ADAMTS19: variants seen among roughly 807,000 people sequenced by gnomAD.
The protein encoded by ADAMTS19 is A disintegrin and metalloproteinase with thrombospondin motifs 19.
ADAMTS19 carries 93 observed loss-of-function variants against 153.3 expected under a neutral mutation model. The observed-to-expected ratio is 0.61, with a 90% confidence interval of 0.51 to 0.72. The LOEUF is 0.72. Ranked by LOEUF, ADAMTS19 falls within the 30% of genes least tolerant of loss-of-function variation. The pLI, the probability that ADAMTS19 is intolerant of heterozygous loss-of-function variation, is 0.00. For synonymous variants in ADAMTS19, 600 were observed against 556.6 expected (o/e 1.08, Z -1.10); for missense variants, 1,482 against 1,552.1 (o/e 0.95, Z 0.76).
intron 7 of ADAMTS19, among the ~76,000 whole-genome samples, chr5:129,554,348 G>A (rs1356128516): frequency 1.3e-5 from 2 of 152,292 alleles, no homozygotes; most frequent in African/African-American, 4.8e-5. Flanking sequence ...GTTATGATTA[G>A]TCTAGGCCTC....
intron 2 of ADAMTS19, among the ~76,000 whole-genome samples, chr5:129,466,275 G>A (rs993166540): frequency 1.3e-5 from 2 of 152,104 alleles, no homozygotes; most frequent in Admixed American, 6.5e-5. Context: ...ACAGATAGGT[G>A]AGCAGGGAAA....
chr5:129,595,338 C>A (rs1750323756), intron 7 of ADAMTS19, among the ~76,000 whole-genome samples: 1 of 152,138 alleles, frequency 6.6e-6, no homozygotes, highest in African/African-American at 2.4e-5. Flanking sequence ...CATCAAAAAT[C>A]TTCCTCTTGT....
At chr5:129,574,438 A>G (rs1216040950) in intron 7 of ADAMTS19, among the ~76,000 whole-genome samples, 1 of 151,898 alleles carries the variant, frequency 6.6e-6, no homozygotes, top group Non-Finnish European at 1.5e-5. Context: ...CAATCCCTCG[A>G]CAGGCCTTGG....
intron 20 of ADAMTS19, among the ~76,000 whole-genome samples, chr5:129,703,190 G>T (rs1431121084): frequency 6.6e-6 from 1 of 150,630 alleles, no homozygotes; most frequent in Non-Finnish European, 1.5e-5. Context: ...TGTCCAGGTA[G>T]TCAGTGGTGC....
chr5:129,579,912 T>C (rs1749424649), intron 7 of ADAMTS19, among the ~76,000 whole-genome samples: 1 of 152,174 alleles, frequency 6.6e-6, no homozygotes, highest in Admixed American at 6.6e-5. Context: ...TTTTCTTGAC[T>C]ATACGGGCTC....
chr5:129,646,016 G>A (rs1417772534), intron 11 of ADAMTS19, among the ~76,000 whole-genome samples: 4 of 146,132 alleles, frequency 2.7e-5, no homozygotes, highest in Admixed American at 1.4e-4. Flanking sequence ...AGCCTCCCAA[G>A]TAGCTGGGAC....
At chr5:129,538,801 A>G (rs1752553015) in intron 6 of ADAMTS19, among the ~76,000 whole-genome samples, 2 of 152,068 alleles carry the variant, frequency 1.3e-5, no homozygotes, top group Admixed American at 6.6e-5. Context: ...ATGTAGCCTA[A>G]TATGGTTTTA....
At chr5:129,547,133 A>G (rs1221829503) in intron 6 of ADAMTS19, among the ~76,000 whole-genome samples, 1 of 150,702 alleles carries the variant, frequency 6.6e-6, no homozygotes, top group African/African-American at 2.5e-5. Flanking sequence ...TGAGGGGGCG[A>G]GATTATCCTG....
intron 7 of ADAMTS19, among the ~76,000 whole-genome samples, chr5:129,588,010 C>G (rs1238308611): frequency 6.6e-6 from 1 of 152,178 alleles, no homozygotes; most frequent in Non-Finnish European, 1.5e-5. Flanking sequence ...CTATAGTTCA[C>G]TGATGCCTTT....
At chr5:129,632,410 T>C (rs747770701) in intron 10 of ADAMTS19, among the ~76,000 whole-genome samples, 16 of 151,952 alleles carry the variant, frequency 1.1e-4, no homozygotes, top group Non-Finnish European at 2.4e-4. Flanking sequence ...TACAATAAAA[T>C]TGTATACATT....
intron 10 of ADAMTS19, among the ~76,000 whole-genome samples, chr5:129,624,084 G>A (rs1043214349): frequency 4.8e-5 from 6 of 123,866 alleles, no homozygotes; most frequent in Non-Finnish European, 6.3e-5. Flanking sequence ...CCGAGAACGC[G>A]CCACTGCACT....
At chr5:129,638,521 C>T (rs1752629321) in intron 10 of ADAMTS19, among the ~76,000 whole-genome samples, 2 of 151,226 alleles carry the variant, frequency 1.3e-5, no homozygotes, top group Non-Finnish European at 1.5e-5. Context: ...GCTTTATTTT[C>T]CCTTTTGAGT....
chr5:129,697,815 T>A (rs924227305), intron 19 of ADAMTS19, among the ~76,000 whole-genome samples: 15 of 152,378 alleles, frequency 9.8e-5, no homozygotes, highest in African/African-American at 3.6e-4. Context: ...TTAATAGATA[T>A]TAAGATGCTA....
chr5:129,663,792 T>C (rs1044511386), intron 15 of ADAMTS19, among the ~76,000 whole-genome samples: 2 of 152,212 alleles, frequency 1.3e-5, no homozygotes, highest in Admixed American at 6.5e-5. Flanking sequence ...TAGTTTCAAA[T>C]TGATAAATTC....
intron 2 of ADAMTS19, 37 bp from the exon 3 acceptor site, chr5:129,509,033 TCAAATGA>T: frequency 1.4e-6 from 2 of 1,449,996 alleles, no homozygotes; most frequent in Admixed American, 2.1e-5. Context: ...AAGTATTTTT[TCAAATGA>T]TATTTCTTAC....
At chr5:129,608,412 C>T (rs2126947175) in intron 8 of ADAMTS19, among the ~76,000 whole-genome samples, 1 of 151,654 alleles carries the variant, frequency 6.6e-6, no homozygotes, top group African/African-American at 2.4e-5. Flanking sequence ...GTACTGGAGG[C>T]CTAATGTACA....
At chr5:129,706,184 T>TTTC (rs1381392121) in intron 21 of ADAMTS19, among the ~76,000 whole-genome samples, 2 of 152,330 alleles carry the variant, frequency 1.3e-5, no homozygotes, top group Non-Finnish European at 2.9e-5. Flanking sequence ...TTCTAGATAT[T>TTTC]TTCTTAGAAT....
At chr5:129,495,904 C>A (rs1224227395) in intron 2 of ADAMTS19, among the ~76,000 whole-genome samples, 1 of 151,932 alleles carries the variant, frequency 6.6e-6, no homozygotes, top group Non-Finnish European at 1.5e-5. Flanking sequence ...GATAAATCAG[C>A]AAGAGATTAC....
intron 15 of ADAMTS19, among the ~76,000 whole-genome samples, chr5:129,659,214 C>G (rs1416502962): frequency 6.6e-6 from 1 of 151,020 alleles, no homozygotes. Context: ...AGCATACAAC[C>G]AAGAGGCGTC....
Sources: gnomAD v4.1 joint callset for allele counts (sites outside exome capture counted in the v4.1 genomes callset) on GRCh38, gnomAD v4.1.1 for gene constraint, MANE v1.5 for transcripts, NCBI Gene and HGNC (gene_info 2026-07-23, HGNC 2026-07-21) for gene names.